Variants in DCX observed in about 807,000 individuals in gnomAD.
DCX encodes the protein doublecortin.
A neutral mutation model predicts 20.9 loss-of-function variants in DCX; 4 were observed. The observed-to-expected ratio is 0.19, with a 90% CI of 0.09 to 0.44. DCX has a LOEUF of 0.44. Among genes scored for constraint, DCX ranks in the 20% least tolerant of loss-of-function variants. The probability of loss-of-function intolerance (pLI) is 0.99; values close to 1 mark genes in which losing one functional copy is unlikely to be tolerated. For missense variants in DCX, 133 were observed against 296.9 expected, an observed-to-expected ratio of 0.45 and a Z score of 4.06; for synonymous variants, 103 against 111.4, an observed-to-expected ratio of 0.92 and a Z score of 0.47.
chrX:111,319,094 T>C (rs1313796939), intron 5 of DCX, among the ~76,000 whole-genome samples: 1 of 112,015 alleles, frequency 8.9e-6, no homozygotes, highest in Admixed American at 9.4e-5. Flanking sequence ...AGACAGAGGA[T>C]AAGGGTCAGC....
chrX:111,306,696 A>G (rs887231003), intron 6 of DCX, among the ~76,000 whole-genome samples: 1 of 111,878 alleles, frequency 8.9e-6, no homozygotes, highest in African/African-American at 3.2e-5. Context: ...ATAAATTTAG[A>G]GGGATTTAAA....
At chrX:111,408,053 G>A (rs1179319093) in intron 2 of DCX, among the ~76,000 whole-genome samples, 1 of 111,506 alleles carries the variant, frequency 9.0e-6, no homozygotes, top group African/African-American at 3.3e-5. Flanking sequence ...CTTTGTCTGT[G>A]AAAGTTGTTA....
Position 111,410,372 on chromosome X carries a change from G to A in DCX, c.27C>T (p.Asp9=), listed in dbSNP as rs1928606286. 3 of 1,208,762 alleles carry A rather than the reference G, an allele frequency of 2.5e-6. No individual in the cohort carries two copies. The highest frequency in any genetic ancestry group is 3.4e-6 in the Non-Finnish European group (3 of 895,042). The change falls in exon 2 of 7, where the codon GAC becomes GAT. Residue 9 remains aspartate (D), a synonymous_variant. Coordinates refer to ENST00000636035, the MANE Select transcript of DCX (RefSeq NM_001195553.2). The part of the protein sequence containing the change: MELDFGHF[D]ERDKTSRNMR... ...TGTTCCTGGATGTCTTATCTCTTTC[G>A]TCAAAGTGTCCAAAATCAAGTTCCA...
At chrX:111,374,508 G>T (rs1331215739) in intron 3 of DCX, among the ~76,000 whole-genome samples, 1 of 111,494 alleles carries the variant, frequency 9.0e-6, no homozygotes, top group Non-Finnish European at 1.9e-5. Context: ...TTTTCCCTCA[G>T]ATCCATTCCT....
intron 3 of DCX, among the ~76,000 whole-genome samples, chrX:111,398,563 G>C (rs765144058): frequency 9.0e-6 from 1 of 111,357 alleles, no homozygotes; most frequent in South Asian, 3.8e-4. Flanking sequence ...TTCTCTATAT[G>C]AATGTCATAT....
rs374697232 is a variant in DCX at position 111,301,661 on chromosome X, C to G, written c.*26G>C. 2.3e-5 allele frequency: 28 copies of G among 1,204,975 alleles called. No homozygotes were observed. Among genetic ancestry groups the G allele is most frequent in the Non-Finnish European group, 2.7e-5 (24 of 890,752 alleles). On this transcript the variant is annotated 3_prime_UTR_variant, in exon 7 of 7. Transcript: ENST00000636035. The stretch of plus-strand genomic sequence containing the variant: ...ACAATGATAGGCTTGGATTTGTACT[C>G]TGGACTCTGAGCACTCTCCCCTCCT...
chrX:111,393,307 A>C (rs1446663677), intron 3 of DCX, among the ~76,000 whole-genome samples: 1 of 111,740 alleles, frequency 8.9e-6, no homozygotes, highest in African/African-American at 3.2e-5. Flanking sequence ...CTTGACTCTT[A>C]TCCTGTACAC....
intron 3 of DCX, among the ~76,000 whole-genome samples, chrX:111,396,630 C>A (rs138636664): frequency 3.8e-4 from 43 of 112,168 alleles, no homozygotes; most frequent in African/African-American, 1.4e-3. Context: ...TTTTATGTAT[C>A]CATCACTTTT....
chrX:111,386,112 C>T (rs1240165448), intron 3 of DCX, among the ~76,000 whole-genome samples: 1 of 111,255 alleles, frequency 9.0e-6, no homozygotes, highest in East Asian at 2.9e-4. Context: ...GGAGCAGATA[C>T]TGTCATCCTT....
intron 2 of DCX, among the ~76,000 whole-genome samples, chrX:111,404,787 A>C (rs2147267991): frequency 8.9e-6 from 1 of 112,484 alleles, no homozygotes; most frequent in African/African-American, 3.2e-5. Context: ...AAGACATCAA[A>C]TGCTCTTCTT....
intron 2 of DCX, among the ~76,000 whole-genome samples, chrX:111,408,736 C>G (rs1928464336): frequency 9.0e-6 from 1 of 111,566 alleles, no homozygotes; most frequent in South Asian, 3.8e-4. Context: ...GATGCAGCAA[C>G]AATATGGACA....
chrX:111,325,627 T>A (rs767921387), intron 5 of DCX, among the ~76,000 whole-genome samples: 8 of 112,452 alleles, frequency 7.1e-5, no homozygotes, highest in African/African-American at 2.3e-4. Flanking sequence ...ATTCTTGTGC[T>A]GTTTAAAACA....
At chrX:111,379,124 G>A (rs1043633877) in intron 3 of DCX, among the ~76,000 whole-genome samples, 8 of 112,272 alleles carry the variant, frequency 7.1e-5, no homozygotes, top group African/African-American at 2.6e-4. Context: ...GGAAGTTTTA[G>A]TTGATAAGCA....
intron 3 of DCX, among the ~76,000 whole-genome samples, chrX:111,371,540 T>C (rs1041903261): frequency 7.2e-5 from 8 of 111,545 alleles, no homozygotes; most frequent in African/African-American, 2.6e-4. Flanking sequence ...GGAATCATAA[T>C]AGTACCTACC....
chrX:111,403,216 T>C (rs1333522957), intron 2 of DCX, among the ~76,000 whole-genome samples: 1 of 112,010 alleles, frequency 8.9e-6, no homozygotes. Flanking sequence ...GTCACTGCCT[T>C]TGAGTCAGAT....
At chrX:111,319,791 A>C (rs1030517910) in intron 5 of DCX, among the ~76,000 whole-genome samples, 4 of 111,553 alleles carry the variant, frequency 3.6e-5, no homozygotes. Context: ...GTGGTGGGCA[A>C]CCCCGGTAAG....
rs185351563 is a variant in DCX, at chrX:111,405,448, T to C, written c.365-4118A>G. On this transcript the variant is annotated intron_variant, in intron 2 of 6. Transcript: ENST00000636035. ...TCATCTCAATGAAACATATGAGCTA[T>C]GGTAAAAGAACTGGATCATAGCCAG... 7.9e-4 allele frequency among the ~76,000 whole-genome samples: 88 copies of C among 111,917 alleles called. No homozygotes were observed. The Middle Eastern group carries it at 0.014, about 18-fold the overall frequency.
At chrX:111,361,776 A>G (rs1485476501) in intron 3 of DCX, among the ~76,000 whole-genome samples, 1 of 112,425 alleles carries the variant, frequency 8.9e-6, no homozygotes, top group Non-Finnish European at 1.9e-5. Flanking sequence ...TACCCTTATC[A>G]TAGCAGACTT....
At chrX:111,333,423 C>A (rs1921443094) in intron 3 of DCX, among the ~76,000 whole-genome samples, 1 of 111,343 alleles carries the variant, frequency 9.0e-6, no homozygotes, top group South Asian at 3.8e-4. Context: ...AAATGGAATG[C>A]CGTTTTCTGA....
Sources: allele counts gnomAD v4.1 joint callset (sites outside exome capture counted in the v4.1 genomes callset), GRCh38; gene constraint gnomAD v4.1.1; transcripts MANE v1.5; gene names NCBI Gene and HGNC (gene_info 2026-07-23, HGNC 2026-07-21).